The following NAALADL2 variants were observed in gnomAD, a reference collection of about 807,000 sequenced individuals.
NAALADL2 encodes N-acetylated alpha-linked acidic dipeptidase like 2, also known as inactive N-acetylated-alpha-linked acidic dipeptidase-like protein 2.
NAALADL2 carries 76 observed loss-of-function variants against 87.2 expected under a neutral mutation model. That is an observed-to-expected ratio of 0.87 (90% confidence interval 0.72 to 1.05). The LOEUF is 1.05. NAALADL2 is among the 50% of genes least tolerant of loss of function. The probability of loss-of-function intolerance (pLI) is 0.00; values close to 1 mark genes in which losing one functional copy is unlikely to be tolerated. For synonymous variants in NAALADL2, 354 were observed against 331.0 expected (o/e 1.07, Z -0.75); for missense variants, 1,089 against 945.8 (o/e 1.15, Z -1.99).
chr3:175,016,428 C>T (rs1750823346), intron 1 of NAALADL2, among the ~76,000 whole-genome samples: 1 of 151,128 alleles, frequency 6.6e-6, no homozygotes, highest in South Asian at 2.1e-4. Context: ...GATTATAAAA[C>T]AATACACACC....
At chr3:174,446,502 CA>C (rs1215359177) in intron 1 of NAALADL2, among the ~76,000 whole-genome samples, 1 of 152,150 alleles carries the variant, frequency 6.6e-6, no homozygotes, top group East Asian at 1.9e-4. Flanking sequence ...TCCTGTTCAT[CA>C]AGTACAATTA....
intron 3 of NAALADL2, among the ~76,000 whole-genome samples, chr3:174,801,803 G>C (rs1441633019): frequency 6.6e-6 from 1 of 151,392 alleles, no homozygotes; most frequent in Non-Finnish European, 1.5e-5. Flanking sequence ...TTCATTTTTT[G>C]AATTGATTTA....
chr3:175,438,550 A>G (rs890003864), intron 5 of NAALADL2, among the ~76,000 whole-genome samples: 2 of 152,268 alleles, frequency 1.3e-5, no homozygotes, highest in South Asian at 2.1e-4. Flanking sequence ...AGTGCAGCAG[A>G]AAATGTGTTT....
At chr3:174,825,620 T>G (rs2109347095) in intron 3 of NAALADL2, among the ~76,000 whole-genome samples, 1 of 152,306 alleles carries the variant, frequency 6.6e-6, no homozygotes, top group East Asian at 1.9e-4. Context: ...CCCAATCAAG[T>G]TGACACACAG....
At chr3:175,508,270 G>C (rs569457673) in intron 9 of NAALADL2, among the ~76,000 whole-genome samples, 89 of 152,280 alleles carry the variant, frequency 5.8e-4, no homozygotes, top group South Asian at 5.0e-3. Flanking sequence ...TTCAACATGA[G>C]ATTTGGTGGG....
intron 2 of NAALADL2, among the ~76,000 whole-genome samples, chr3:174,625,423 T>C (rs13059450): frequency 6.6e-6 from 1 of 151,746 alleles, no homozygotes; most frequent in South Asian, 2.1e-4. Context: ...ACTTTCTATG[T>C]TAATCATATT....
chr3:175,525,953 C>T (rs953004471), intron 9 of NAALADL2, among the ~76,000 whole-genome samples: 1 of 152,162 alleles, frequency 6.6e-6, no homozygotes, highest in Non-Finnish European at 1.5e-5. Context: ...GAGCCAAGTT[C>T]CGTTGGGAAA....
intron 11 of NAALADL2, among the ~76,000 whole-genome samples, chr3:175,714,736 A>C (rs1303779267): frequency 6.6e-6 from 1 of 152,132 alleles, no homozygotes; most frequent in Non-Finnish European, 1.5e-5. Flanking sequence ...TAGTTTAATT[A>C]GATCCCATTT....
At chr3:175,297,853 A>T (rs1756573808) in intron 4 of NAALADL2, among the ~76,000 whole-genome samples, 1 of 152,160 alleles carries the variant, frequency 6.6e-6, no homozygotes, top group Non-Finnish European at 1.5e-5. Flanking sequence ...CATTTTACAT[A>T]ATGAATATTT....
rs1430802993 is a variant in NAALADL2, at chr3:175,588,529, C to CTTTTTTTTTTT, written c.1800+12346_1800+12347insTTTTTTTTTTT. 3.7e-4 allele frequency among the ~76,000 whole-genome samples: 35 copies of CTTTTTTTTTTT among 94,468 alleles called. 1 individual carries two copies. Among genetic ancestry groups the CTTTTTTTTTTT allele is most frequent in the African/African-American group, 1.2e-3 (30 of 25,030 alleles). The allele number at this position is 94,468 out of a possible 152,430, so 62.0% of individuals were successfully genotyped here. A position where few individuals can be genotyped will look rare whatever the true frequency, so the allele number is the denominator to read the frequency against. On this transcript the variant is annotated intron_variant, in intron 10 of 13. Transcript: ENST00000454872. ...TCAATTTAGGAGACTTTCTTTCTTT[C>CTTTTTTTTTTT]TTTTCTTTTTTTTTTTTTTTTTTTT...
intron 2 of NAALADL2, among the ~76,000 whole-genome samples, chr3:175,221,643 C>A (rs1368436134): frequency 6.6e-6 from 1 of 152,040 alleles, no homozygotes; most frequent in East Asian, 1.9e-4. Context: ...GATATCAGGA[C>A]AATATATCTG....
chr3:174,918,307 G>T (rs1734683531), intron 1 of NAALADL2, among the ~76,000 whole-genome samples: 1 of 152,022 alleles, frequency 6.6e-6, no homozygotes, highest in African/African-American at 2.4e-5. Flanking sequence ...TTTGGAGTCA[G>T]TGTATCAGTG....
chr3:175,270,443 T>C (rs1488941201), intron 4 of NAALADL2, among the ~76,000 whole-genome samples: 1 of 152,222 alleles, frequency 6.6e-6, no homozygotes, highest in Non-Finnish European at 1.5e-5. Context: ...ATCAGATTAC[T>C]GACAGCCAGG....
At chr3:174,902,403 C>T (rs535607691) in intron 1 of NAALADL2, among the ~76,000 whole-genome samples, 4 of 151,938 alleles carry the variant, frequency 2.6e-5, no homozygotes, top group Admixed American at 6.6e-5. Context: ...CTTCTCCACC[C>T]GGTAGTGACT....
At chr3:175,745,877 C>T (rs572693217) in intron 12 of NAALADL2, among the ~76,000 whole-genome samples, 5 of 152,262 alleles carry the variant, frequency 3.3e-5, no homozygotes, top group Admixed American at 1.3e-4. Context: ...TTAATGTCTG[C>T]GTAATTCTGA....
intron 2 of NAALADL2, among the ~76,000 whole-genome samples, chr3:175,185,780 T>G (rs1038752139): frequency 2.0e-5 from 3 of 150,866 alleles, no homozygotes; most frequent in Non-Finnish European, 4.4e-5. Flanking sequence ...CTTTTGTATA[T>G]CTAAAATATT....
At chr3:175,303,736 T>A (rs999030387) in intron 4 of NAALADL2, among the ~76,000 whole-genome samples, 2 of 152,218 alleles carry the variant, frequency 1.3e-5, no homozygotes, top group African/African-American at 4.8e-5. Flanking sequence ...TAACCATGAT[T>A]CTCATATTTT....
At chr3:174,799,658 A>G (rs148008868) in intron 3 of NAALADL2, among the ~76,000 whole-genome samples, 164 of 152,296 alleles carry the variant, frequency 1.1e-3, no homozygotes, top group African/African-American at 3.8e-3. Context: ...AAATTCTACC[A>G]GAAGTGGAGT....
Position 175,073,372 on chromosome 3 carries a change from G to A in NAALADL2, c.44-23418G>A, listed in dbSNP as rs993148956. On this transcript the variant is annotated intron_variant, in intron 1 of 13. Coordinates refer to ENST00000454872, the MANE Select transcript of NAALADL2 (RefSeq NM_207015.3). ...TGGTGATCTTACAACTTTGAGATCAGTTGTGGCAATACAGAGCAGCTCTAT... is the reference window on the plus strand; with the variant it reads ...TGGTGATCTTACAACTTTGAGATCAATTGTGGCAATACAGAGCAGCTCTAT... 3.9e-4 allele frequency among the ~76,000 whole-genome samples: 60 copies of A among 152,032 alleles called. 1 individual carries two copies. Among genetic ancestry groups the A allele is most frequent in the Admixed American group, 3.8e-3 (58 of 15,234 alleles).
Sources: gnomAD v4.1 joint callset for allele counts (sites outside exome capture counted in the v4.1 genomes callset) on GRCh38, gnomAD v4.1.1 for gene constraint, MANE v1.5 for transcripts, NCBI Gene and HGNC (gene_info 2026-07-23, HGNC 2026-07-21) for gene names.